The following PET100 variants were observed in gnomAD, a reference collection of about 807,000 sequenced individuals.
PET100 encodes PET100 cytochrome c oxidase chaperone, also known as protein PET100 homolog, mitochondrial.
Under a neutral mutation model 13.6 loss-of-function variants are expected in PET100, and 13 were observed. The observed-to-expected ratio is 0.96, with a 90% CI of 0.62 to 1.52. The LOEUF is 1.52. PET100 is among the 40% of genes most tolerant of loss of function. PET100 has a pLI of 0.00. For missense variants in PET100, 94 were observed against 95.3 expected (o/e 0.99, Z 0.06); for synonymous variants, 28 against 30.8 (o/e 0.91, Z 0.30).
chr19:7,631,409 T>TGGGGGGGGGGGGGGGGGGGGGGG (rs1221264166), intron 3 of PET100, 64 bp from the exon 4 acceptor site: 5 of 639,594 alleles, frequency 7.8e-6, no homozygotes, highest in Non-Finnish European at 1.1e-5. Flanking sequence ...CGGGGGGGGG[T>TGGGGGGGGGGGGGGGGGGGGGGG]GGTCCCGGCT....
In PET100 at chr19:7,630,847, G is replaced by T; in HGVS notation, c.138+1G>T. 6.5e-7 allele frequency: 1 copy of T among 1,537,256 alleles called. No individual in the cohort carries two copies. Among genetic ancestry groups the T allele is most frequent in the South Asian group, 1.2e-5 (1 of 84,070 alleles). ...GAGGGAGCTGTGGCCACCTGAGAAG[G>T]TAAGTGATCTCTTCTTCCTGCCAGA... On this transcript the variant is annotated splice_donor_variant, in intron 3 of 3. Coordinates refer to ENST00000594797, the MANE Select transcript of PET100 (RefSeq NM_001171155.2). LOFTEE classifies it high-confidence loss of function.
Position 7,631,857 on chromosome 19 carries a change from G to A in PET100, c.*301G>A, listed in dbSNP as rs776494959. On this transcript the variant is annotated 3_prime_UTR_variant, in exon 4 of 4. Coordinates refer to ENST00000594797, the MANE Select transcript of PET100 (RefSeq NM_001171155.2). ...AGGGGGAGGGCTCAAGGGCAGTGCC[G>A]GCCACAGGTGGCGAACAATGGAGAG... 8.8e-6 allele frequency: 12 copies of A among 1,368,906 alleles called. No individual in the cohort carries two copies. Among genetic ancestry groups the A allele is most frequent in the African/African-American group, 5.9e-5 (4 of 67,330 alleles). 84.8% of individuals were successfully genotyped at this position (1,368,906 alleles called of 1,614,324 possible). A position where few individuals can be genotyped will look rare whatever the true frequency, so the allele number is the denominator to read the frequency against.
chr19:7,629,962 A>G (rs750516793), intron 1 of PET100, 102 bp downstream of exon 1: 192 of 1,327,214 alleles, frequency 1.4e-4, no homozygotes, highest in Non-Finnish European at 1.7e-4. Context: ...AGGGAGCTCC[A>G]AGGAGAAAGC....
intron 1 of PET100, 80 bp downstream of exon 1, chr19:7,629,940 C>CT (rs1241048217): frequency 2.8e-6 from 4 of 1,410,944 alleles, no homozygotes; most frequent in Non-Finnish European, 3.7e-6. Flanking sequence ...AATGGGGGGA[C>CT]TTCAAAGGAA....
Position 7,629,877 on chromosome 19 carries a change from G to A in PET100, c.27+17G>A. On this transcript the variant is annotated intron_variant, in intron 1 of 3. Transcript: ENST00000594797. ...ATATTTCGGGTCAGTGGACACAGGAGTGGGTTGGGAGGCTGGGCAGGGGAT... is the reference window on the plus strand; with the variant it reads ...ATATTTCGGGTCAGTGGACACAGGAATGGGTTGGGAGGCTGGGCAGGGGAT... 1 of 1,528,108 alleles carries A rather than the reference G, an allele frequency of 6.5e-7. No individual in the cohort carries two copies. Among genetic ancestry groups the A allele is most frequent in the Non-Finnish European group, 8.8e-7 (1 of 1,142,188 alleles). 94.7% of individuals were successfully genotyped at this position (1,528,108 alleles called of 1,614,324 possible).
At chr19:7,630,990 C>T in intron 3 of PET100, 144 bp downstream of exon 3, 1 of 1,093,606 alleles carries the variant, frequency 9.1e-7, no homozygotes, top group Non-Finnish European at 1.3e-6. Flanking sequence ...GGGTAGATCA[C>T]TTGAGGTCAG....
At chr19:7,629,938 G>T in intron 1 of PET100, 78 bp downstream of exon 1, 6 of 1,413,518 alleles carry the variant, frequency 4.2e-6, no homozygotes, top group Non-Finnish European at 4.7e-6. Flanking sequence ...GAAATGGGGG[G>T]ACTTCAAAGG....
Position 7,631,711 on chromosome 19 carries a change from T to C in PET100, c.*155T>C, listed in dbSNP as rs370210255. 4.2e-5 allele frequency: 61 copies of C among 1,447,768 alleles called. No homozygotes were observed. Among genetic ancestry groups the C allele is most frequent in the Non-Finnish European group, 5.1e-5 (56 of 1,098,796 alleles). The allele number at this position is 1,447,768 out of a possible 1,614,324, so 89.7% of individuals were successfully genotyped here. On this transcript the variant is annotated 3_prime_UTR_variant, in exon 4 of 4. Coordinates refer to ENST00000594797, the MANE Select transcript of PET100 (RefSeq NM_001171155.2). The stretch of plus-strand genomic sequence containing the variant: ...CCCTCAGGGGGCTTGTGTCGGGGGC[T>C]GGGGGCTGCTGTTCCGACGGAAGCC...
At chr19:7,631,395 T>TGTGGGGG in intron 3 of PET100, 78 bp from the exon 4 acceptor site, 1 of 318,046 alleles carries the variant, frequency 3.1e-6, no homozygotes, top group South Asian at 3.1e-5. Flanking sequence ...GTGGGAGAGG[T>TGTGGGGG]GGGCGGGGGG....
chr19:7,629,932 T>TG, intron 1 of PET100, 72 bp downstream of exon 1: 1 of 1,431,130 alleles, frequency 7.0e-7, no homozygotes. Flanking sequence ...AGGTTGGAAA[T>TG]GGGGGGACTT....
At chr19:7,631,311 C>G (rs924283125) in intron 3 of PET100, 162 bp from the exon 4 acceptor site, 1 of 1,411,176 alleles carries the variant, frequency 7.1e-7, no homozygotes, top group African/African-American at 1.5e-5. Context: ...GGATCCCACG[C>G]GGACCCCTTT....
chr19:7,630,118 A>G, intron 1 of PET100: 1 of 400,338 alleles, frequency 2.5e-6, no homozygotes, highest in Non-Finnish European at 4.4e-6. Context: ...TGAGCTGAGA[A>G]GGGGGCTCTA....
Position 7,631,070 on chromosome 19 carries a change from T to C in PET100, c.138+224T>C, listed in dbSNP as rs575944383. 1.1e-5 allele frequency: 8 copies of C among 736,556 alleles called. No homozygotes were observed. The Admixed American group carries it at 2.1e-4, about 19-fold the overall frequency. 45.6% of individuals were successfully genotyped at this position (736,556 alleles called of 1,614,324 possible). A position where few individuals can be genotyped will look rare whatever the true frequency, so the allele number is the denominator to read the frequency against. ...CAGAAATACAAAACTTAGCCAGGCA[T>C]GGTGGCAGGCGCCTATAATTCCAGC... On this transcript the variant is annotated intron_variant, in intron 3 of 3. Coordinates refer to ENST00000594797, the MANE Select transcript of PET100 (RefSeq NM_001171155.2).
intron 3 of PET100, 32 bp from the exon 4 acceptor site, chr19:7,631,441 C>A (rs761398599): frequency 5.9e-5 from 90 of 1,522,200 alleles, no homozygotes; most frequent in South Asian, 1.2e-4. Context: ...GCCCCTCCCC[C>A]CTTCCTGTCC....
In PET100 at chr19:7,630,849, A is replaced by T. The variant is rs756326147; in HGVS notation, c.138+3A>T. 4.8e-5 allele frequency: 74 copies of T among 1,537,116 alleles called. No homozygotes were observed. Among genetic ancestry groups the T allele is most frequent in the Non-Finnish European group, 6.3e-5 (72 of 1,146,910 alleles). On this transcript the variant is annotated splice_donor_region_variant and intron_variant, in intron 3 of 3. Coordinates refer to ENST00000594797, the MANE Select transcript of PET100 (RefSeq NM_001171155.2). The stretch of plus-strand genomic sequence containing the variant: ...GGGAGCTGTGGCCACCTGAGAAGGT[A>T]AGTGATCTCTTCTTCCTGCCAGAGG...
At chr19:7,630,347 G>C (rs1402577794) in intron 1 of PET100, 1 of 576,752 alleles carries the variant, frequency 1.7e-6, no homozygotes, top group Non-Finnish European at 3.1e-6. Context: ...TGTTTGAGAG[G>C]AAGACTCCAG....
chr19:7,630,153 G>A (rs1034515425), intron 1 of PET100: 2 of 475,066 alleles, frequency 4.2e-6, no homozygotes, highest in Admixed American at 7.8e-5. Context: ...AAGATCCTGG[G>A]GGAGCTCTCG....
chr19:7,630,769 T>G, intron 2 of PET100, 54 bp from the exon 3 acceptor site: 2 of 1,536,658 alleles, frequency 1.3e-6, no homozygotes, highest in Non-Finnish European at 1.7e-6. Flanking sequence ...CCTGCCCTGA[T>G]GTGGGGCTCT....
Position 7,631,702 on chromosome 19 carries a change from G to C in PET100, c.*146G>C. On this transcript the variant is annotated 3_prime_UTR_variant, in exon 4 of 4. Coordinates refer to ENST00000594797, the MANE Select transcript of PET100 (RefSeq NM_001171155.2). ...TGCCTCAGGCCCTCAGGGGGCTTGT[G>C]TCGGGGGCTGGGGGCTGCTGTTCCG... 6.9e-7 allele frequency: 1 copy of C among 1,453,636 alleles called. No individual in the cohort carries two copies. Among genetic ancestry groups the C allele is most frequent in the Non-Finnish European group, 9.1e-7 (1 of 1,102,090 alleles). The allele number at this position is 1,453,636 out of a possible 1,614,324, so 90.0% of individuals were successfully genotyped here.
Sources: gnomAD v4.1 joint callset for allele counts on GRCh38, gnomAD v4.1.1 for gene constraint, MANE v1.5 for transcripts, NCBI Gene and HGNC (gene_info 2026-07-23, HGNC 2026-07-21) for gene names.